ZRANB1: variants seen among roughly 807,000 people sequenced by gnomAD.
The protein encoded by ZRANB1 is ubiquitin thioesterase ZRANB1.
In ZRANB1, 16 loss-of-function variants were observed where a neutral mutation model predicts 80.5. The observed-to-expected ratio is 0.20, with a 90% confidence interval of 0.13 to 0.30. ZRANB1 has a LOEUF of 0.30. Among genes scored for constraint, ZRANB1 ranks in the 10% least tolerant of loss-of-function variants. The pLI, the probability that ZRANB1 is intolerant of heterozygous loss-of-function variation, is 1.00. For missense variants in ZRANB1, 576 were observed against 862.6 expected, an observed-to-expected ratio of 0.67 and a Z score of 4.16; for synonymous variants, 291 against 293.1, an observed-to-expected ratio of 0.99 and a Z score of 0.07.
chr10:124,951,214 G>A lies in ZRANB1; in HGVS notation c.814+7907G>A, dbSNP rs541020760. On this transcript the variant is annotated intron_variant, in intron 1 of 8. Coordinates refer to ENST00000359653, the MANE Select transcript of ZRANB1 (RefSeq NM_017580.3). ...CTTTTTTCTCTGGAGAAACAAAACCGTTGCAAAATGTAATCTTCTATAATG... is the reference window on the plus strand; with the variant it reads ...CTTTTTTCTCTGGAGAAACAAAACCATTGCAAAATGTAATCTTCTATAATG... Among the ~76,000 whole-genome samples the A allele has an allele frequency of 9.9e-5, 15 of 152,198 alleles. No individual in the cohort carries two copies. In the South Asian group the frequency reaches 2.9e-3, roughly 30 times the overall value.
At chr10:124,957,448 A>T (rs181424465) in intron 1 of ZRANB1, among the ~76,000 whole-genome samples, 2 of 152,238 alleles carry the variant, frequency 1.3e-5, no homozygotes, top group East Asian at 3.9e-4. Context: ...CATTAAGTGT[A>T]TATTATTAGC....
chr10:124,968,447 T>G (rs912177658), intron 2 of ZRANB1, among the ~76,000 whole-genome samples: 3 of 128,470 alleles, frequency 2.3e-5, no homozygotes, highest in African/African-American at 7.6e-5. Context: ...GAAGCCGGGG[T>G]GGGGGGCTTG....
upstream of ZRANB1, chr10:124,940,480 T>A: frequency 7.8e-7 from 1 of 1,287,484 alleles, no homozygotes; most frequent in South Asian, 1.2e-5. Context: ...TTTGATCTGA[T>A]TTGCAAACCG....
chr10:124,926,735 A>G, the ZRANB1 span, among the ~76,000 whole-genome samples: 1 of 152,210 alleles, frequency 6.6e-6, no homozygotes, highest in South Asian at 2.1e-4. Context: ...TACTGTATAT[A>G]ATTTTACATG....
chr10:124,932,575 T>G, the ZRANB1 span, among the ~76,000 whole-genome samples: 1 of 149,558 alleles, frequency 6.7e-6, no homozygotes, highest in Non-Finnish European at 1.5e-5. Flanking sequence ...ACAGGTATGA[T>G]TTTGAATTCC....
At chr10:124,927,250 C>T in the ZRANB1 span, among the ~76,000 whole-genome samples, 9 of 152,224 alleles carry the variant, frequency 5.9e-5, no homozygotes, top group Non-Finnish European at 8.8e-5. Flanking sequence ...CCACCGCGCC[C>T]GGCCCTGTAA....
intron 1 of ZRANB1, chr10:124,946,535 C>T (rs191894564): frequency 6.6e-6 from 1 of 152,050 alleles, no homozygotes; most frequent in Non-Finnish European, 1.5e-5. Context: ...GCTGTTTCTA[C>T]CTGCAAAGTT....
the ZRANB1 span, among the ~76,000 whole-genome samples, chr10:124,931,869 C>T: frequency 8.4e-4 from 128 of 152,148 alleles, 1 homozygote; most frequent in Admixed American, 1.7e-3. Context: ...GTAGGATTCA[C>T]TCTGTAGATT....
intron 1 of ZRANB1, among the ~76,000 whole-genome samples, chr10:124,955,549 C>T (rs902771449): frequency 2.0e-5 from 3 of 152,098 alleles, no homozygotes; most frequent in African/African-American, 4.8e-5. Flanking sequence ...AAGTGTGATG[C>T]GTGTGTAGCT....
chr10:124,982,349 G>C (rs1398479643), intron 6 of ZRANB1, among the ~76,000 whole-genome samples: 1 of 152,142 alleles, frequency 6.6e-6, no homozygotes, highest in Admixed American at 6.5e-5. Context: ...GTGTCATGTA[G>C]GCAAAGGAAA....
intron 1 of ZRANB1, among the ~76,000 whole-genome samples, chr10:124,966,077 A>G (rs1479639417): frequency 6.6e-6 from 1 of 152,196 alleles, no homozygotes; most frequent in African/African-American, 2.4e-5. Flanking sequence ...ACTTACACTG[A>G]AGATGGTTTC....
In ZRANB1 at chr10:124,966,594, G is replaced by C. The variant is rs1307432453; in HGVS notation, c.815G>C (p.Gly272Ala). 1 of 1,611,266 alleles carries C rather than the reference G, an allele frequency of 6.2e-7. No homozygotes were observed. The highest frequency in any genetic ancestry group is 1.3e-5 in the African/African-American group (1 of 74,836). The change falls in exon 2 of 9, where the codon GGG becomes GCG. Residue 272 changes from glycine (G) to alanine (A), a missense_variant and splice_region_variant. Gly to Ala is a moderately conservative substitution (Grantham distance 60). This residue lies in a region of ZRANB1 where 411 missense variants were observed against 583.1 expected (regional missense o/e 0.70). Transcript: ENST00000359653. ...TTTTCTATCTTGATGCTTGTTTTAG[G>C]GGTTGTAGAAGGTGATTTAGCTGCC... ...TDWLFLNACV[G>A]VVEGDLAAIE...
chr10:124,953,091 ATTTTTTT>A (rs368258624), intron 1 of ZRANB1, among the ~76,000 whole-genome samples: 1 of 131,614 alleles, frequency 7.6e-6, no homozygotes, highest in South Asian at 2.5e-4. Context: ...TGCCTGGCTA[ATTTTTTT>A]TTTTTTTTTT....
chr10:124,962,222 C>G (rs1355733185), intron 1 of ZRANB1: 2 of 191,754 alleles, frequency 1.0e-5, no homozygotes. Flanking sequence ...ACATCTGCAT[C>G]TTTCTCTGAC....
At chr10:124,918,197 T>G in the ZRANB1 span, among the ~76,000 whole-genome samples, 2 of 152,342 alleles carry the variant, frequency 1.3e-5, no homozygotes, top group East Asian at 3.9e-4. Context: ...AGATAATTTT[T>G]TTTTGTATTT....
At position 124,972,047 on chromosome 10, in the gene ZRANB1, C is replaced by A. The variant is rs749505876; in HGVS notation, c.1085C>A (p.Ser362Tyr). 1 of 1,613,978 alleles carries A rather than the reference C, an allele frequency of 6.2e-7. No individual in the cohort carries two copies. The highest frequency in any genetic ancestry group is 1.7e-5 in the Admixed American group (1 of 60,014). Residue 362 changes from serine (S) to tyrosine (Y), a missense_variant, in exon 3 of 9, where the codon TCT becomes TAT. By Grantham distance (144) the Ser-to-Tyr change is moderately radical (BLOSUM62 -2). Coordinates refer to ENST00000359653, the MANE Select transcript of ZRANB1 (RefSeq NM_017580.3). ...CAAATCCGGAGAGAGATAGCTGCCT[C>A]TCTTCATCAGAGAAAGGGGGATTTT... ...TEQIRREIAA[S>Y]LHQRKGDFAC...
the ZRANB1 span, among the ~76,000 whole-genome samples, chr10:124,918,931 G>A: frequency 2.6e-5 from 4 of 152,050 alleles, no homozygotes; most frequent in South Asian, 2.1e-4. Flanking sequence ...GTGTCATGAG[G>A]GATTTTATTT....
chr10:124,916,917 G>A, the ZRANB1 span, among the ~76,000 whole-genome samples: 334 of 151,898 alleles, frequency 2.2e-3, 1 homozygote, highest in Admixed American at 3.9e-3. Context: ...TCCCTCGGCC[G>A]CCGCCATTAG....
chr10:124,944,840 A>G (rs1171795085), intron 1 of ZRANB1, among the ~76,000 whole-genome samples: 1 of 151,776 alleles, frequency 6.6e-6, no homozygotes, highest in Admixed American at 6.6e-5. Flanking sequence ...AAAAAAGAAT[A>G]TCCCAGCAGA....
Sources: allele counts gnomAD v4.1 joint callset (sites outside exome capture counted in the v4.1 genomes callset), GRCh38; gene constraint gnomAD v4.1.1; regional missense constraint gnomAD v4.1.1; transcripts MANE v1.5; gene names NCBI Gene and HGNC (gene_info 2026-07-23, HGNC 2026-07-21).